The following RYR3 variants were observed in gnomAD, a reference collection of about 807,000 sequenced individuals.
RYR3 encodes the protein brain ryanodine receptor-calcium release channel.
In RYR3, 207 loss-of-function variants were observed where a neutral mutation model predicts 584.3. The observed-to-expected ratio is 0.35, with a 90% CI of 0.32 to 0.40. The LOEUF is 0.40. Ranked by LOEUF, RYR3 falls within the 10% of genes least tolerant of loss-of-function variation. RYR3 has a pLI of 1.00. For synonymous variants in RYR3, 2,416 were observed against 2,248.5 expected (o/e 1.07, Z -2.11); for missense variants, 5,616 against 6,089.2 (o/e 0.92, Z 2.59).
At chr15:33,859,522 CTAAAAACA>C in intron 99 of RYR3, 45 bp from the exon 100 acceptor site, 1 of 1,598,650 alleles carries the variant, frequency 6.3e-7, no homozygotes, top group South Asian at 1.1e-5. Flanking sequence ...GAGCATCTTG[CTAAAAACA>C]GAACTGTGAC....
intron 90 of RYR3, among the ~76,000 whole-genome samples, chr15:33,841,216 C>G (rs186302988): frequency 3.2e-4 from 49 of 151,532 alleles, no homozygotes; most frequent in Admixed American, 3.0e-3. Context: ...GACCCTGTCT[C>G]AAAAACAAAA....
At chr15:33,457,473 G>C (rs1471148208) in intron 1 of RYR3, among the ~76,000 whole-genome samples, 1 of 152,186 alleles carries the variant, frequency 6.6e-6, no homozygotes, top group African/African-American at 2.4e-5. Flanking sequence ...ATTATGTTAA[G>C]TGAAATAAGC....
intron 97 of RYR3, 122 bp from the exon 98 acceptor site, chr15:33,854,644 C>G (rs1567331773): frequency 1.5e-6 from 2 of 1,306,080 alleles, no homozygotes; most frequent in East Asian, 2.3e-5. Flanking sequence ...GGCCAGCTCA[C>G]AGCACCTCAG....
At chr15:33,549,621 C>A (rs2056521887) in intron 9 of RYR3, among the ~76,000 whole-genome samples, 1 of 152,178 alleles carries the variant, frequency 6.6e-6, no homozygotes, top group African/African-American at 2.4e-5. Context: ...TTTTATCCTG[C>A]TTTACTTATT....
intron 36 of RYR3, among the ~76,000 whole-genome samples, chr15:33,664,206 ACT>A (rs2063335079): frequency 6.6e-6 from 1 of 151,760 alleles, no homozygotes; most frequent in East Asian, 1.9e-4. Context: ...CGGTGGCACG[ACT>A]CTCTCACAAA....
At chr15:33,764,801 G>A (rs572825996) in intron 60 of RYR3, among the ~76,000 whole-genome samples, 1 of 152,098 alleles carries the variant, frequency 6.6e-6, no homozygotes, top group African/African-American at 2.4e-5. Context: ...GGGAGGCCAG[G>A]GCAGGCGGAT....
chr15:33,823,122 C>A, intron 81 of RYR3, 50 bp downstream of exon 81: 1 of 1,510,200 alleles, frequency 6.6e-7, no homozygotes, highest in Non-Finnish European at 9.1e-7. Flanking sequence ...TCCCTCTAAG[C>A]ATAGGAGGCA....
At chr15:33,337,933 G>GTTTT (rs1567050796) in intron 1 of RYR3, among the ~76,000 whole-genome samples, 3 of 84,112 alleles carry the variant, frequency 3.6e-5, no homozygotes, top group Admixed American at 2.7e-4. Context: ...CATTTTAGGA[G>GTTTT]ATTTTTTTTT....
chr15:33,426,313 G>A (rs2044653823), intron 1 of RYR3, among the ~76,000 whole-genome samples: 1 of 152,150 alleles, frequency 6.6e-6, no homozygotes, highest in African/African-American at 2.4e-5. Flanking sequence ...CGTGGCAAAT[G>A]TGGGCATCCC....
chr15:33,504,066 C>T (rs190296967), intron 3 of RYR3, among the ~76,000 whole-genome samples: 1 of 152,202 alleles, frequency 6.6e-6, no homozygotes, highest in Non-Finnish European at 1.5e-5. Context: ...ATTGAGCATG[C>T]CTGTGAGGCA....
rs1411245919 is a variant in RYR3, at chr15:33,312,707, G to GA, written c.51+1617dup. ...AATGATCTTCTAGGCGTTATTGCTTGAAAAAATTATCTTCAGACAGGGTCA... is the reference window on the plus strand; with the variant it reads ...AATGATCTTCTAGGCGTTATTGCTTGAAAAAAATTATCTTCAGACAGGGTCA... On this transcript the variant is annotated intron_variant, in intron 1 of 103. Transcript: ENST00000634891. Among the ~76,000 whole-genome samples, 8 of 152,114 alleles carry GA rather than the reference G, an allele frequency of 5.3e-5. No individual in the cohort carries two copies. In the South Asian group the frequency reaches 1.5e-3, roughly 28 times the overall value.
Position 33,821,519 on chromosome 15 carries a change from G to A in RYR3, c.10916-4G>A, listed in dbSNP as rs2077105353. On this transcript the variant is annotated splice_polypyrimidine_tract_variant and splice_region_variant and intron_variant, in intron 79 of 103. Coordinates refer to ENST00000634891, the MANE Select transcript of RYR3 (RefSeq NM_001036.6). ...GTGATTCAATCGAATCTTCACCATGGCAGGTGAGATGAGCCCCATGGTGGT... is the reference window on the plus strand; with the variant it reads ...GTGATTCAATCGAATCTTCACCATGACAGGTGAGATGAGCCCCATGGTGGT... The A allele has an allele frequency of 6.2e-7, 1 of 1,613,592 alleles. No individual in the cohort carries two copies.
intron 101 of RYR3, 79 bp downstream of exon 101, chr15:33,860,738 T>C: frequency 1.8e-6 from 2 of 1,094,984 alleles, no homozygotes; most frequent in East Asian, 5.1e-5. Flanking sequence ...CAATAGGTTT[T>C]ACTATTACTT....
chr15:33,683,775 C>T (rs555618017), intron 38 of RYR3, among the ~76,000 whole-genome samples: 1 of 152,378 alleles, frequency 6.6e-6, no homozygotes, highest in South Asian at 2.1e-4. Context: ...GGAGAAACTT[C>T]CGCCCAAATA....
intron 32 of RYR3, among the ~76,000 whole-genome samples, chr15:33,654,529 A>T (rs1452031991): frequency 2.6e-5 from 4 of 151,998 alleles, no homozygotes; most frequent in Non-Finnish European, 5.9e-5. Flanking sequence ...AAAAAGAATG[A>T]ATTTTCATGG....
At chr15:33,737,694 G>A (rs1180125880) in intron 49 of RYR3, among the ~76,000 whole-genome samples, 3 of 152,166 alleles carry the variant, frequency 2.0e-5, no homozygotes, top group African/African-American at 7.2e-5. Context: ...GAAAACCATA[G>A]TTAAAGTATT....
chr15:33,335,189 A>G, intron 1 of RYR3, among the ~76,000 whole-genome samples: 1 of 152,208 alleles, frequency 6.6e-6, no homozygotes. Context: ...CATATACTCA[A>G]AGGAATATAA....
chr15:33,617,468 C>T (rs1566792346), intron 19 of RYR3, among the ~76,000 whole-genome samples: 1 of 152,104 alleles, frequency 6.6e-6, no homozygotes, highest in African/African-American at 2.4e-5. Flanking sequence ...TCACCCAATA[C>T]TGTAGATCAC....
chr15:33,379,323 A>C (rs10438371), intron 1 of RYR3, among the ~76,000 whole-genome samples: 3,964 of 152,252 alleles, frequency 0.026, 165 homozygotes, highest in African/African-American at 0.091. Flanking sequence ...TCATGTGGCT[A>C]TTTCTCATTA....
Sources: allele counts gnomAD v4.1 joint callset (sites outside exome capture counted in the v4.1 genomes callset), GRCh38; gene constraint gnomAD v4.1.1; transcripts MANE v1.5; gene names NCBI Gene and HGNC (gene_info 2026-07-23, HGNC 2026-07-21).